The following RPS6KC1 variants were observed in gnomAD, a reference collection of about 807,000 sequenced individuals.
RPS6KC1 encodes the protein ribosomal protein S6 kinase C1.
A neutral mutation model predicts 103.8 loss-of-function variants in RPS6KC1; 54 were observed. The observed-to-expected ratio is 0.52, with a 90% CI of 0.42 to 0.65. The LOEUF (loss-of-function observed/expected upper bound fraction) is 0.65, where lower values mean the gene tolerates loss of function less well. Ranked by LOEUF, RPS6KC1 falls within the 30% of genes least tolerant of loss-of-function variation. The probability of loss-of-function intolerance (pLI) is 0.00; values close to 1 mark genes in which losing one functional copy is unlikely to be tolerated. For missense variants in RPS6KC1, 1,151 were observed against 1,253.8 expected (o/e 0.92, Z 1.24); for synonymous variants, 439 against 438.7 (o/e 1.00, Z -0.01).
At chr1:213,668,052 T>C in the RPS6KC1 span, among the ~76,000 whole-genome samples, 1 of 152,202 alleles carries the variant, frequency 6.6e-6, no homozygotes, top group Admixed American at 6.5e-5. Flanking sequence ...TCTATGAGCA[T>C]TGGAATCTAC....
At chr1:213,262,315 T>C (rs938661152) in intron 13 of RPS6KC1, among the ~76,000 whole-genome samples, 1 of 152,226 alleles carries the variant, frequency 6.6e-6, no homozygotes, top group African/African-American at 2.4e-5. Flanking sequence ...TACATACATT[T>C]AAACTGTAAA....
chr1:213,404,154 C>A, the RPS6KC1 span, among the ~76,000 whole-genome samples: 1 of 152,132 alleles, frequency 6.6e-6, no homozygotes, highest in African/African-American at 2.4e-5. Flanking sequence ...TGAGTGGGGC[C>A]CACCTTGAGG....
At chr1:213,797,366 C>A in the RPS6KC1 span, among the ~76,000 whole-genome samples, 1 of 152,156 alleles carries the variant, frequency 6.6e-6, no homozygotes, top group Admixed American at 6.6e-5. Context: ...CTGTGTTCAT[C>A]ACAGCTAATT....
chr1:213,549,612 C>CTTTTTTTTTTTTTTT, the RPS6KC1 span, among the ~76,000 whole-genome samples: 10 of 86,912 alleles, frequency 1.2e-4, no homozygotes, highest in East Asian at 3.5e-4. Context: ...TTTTCTTTTC[C>CTTTTTTTTTTTTTTT]TTTTTTTTTT....
the RPS6KC1 span, among the ~76,000 whole-genome samples, chr1:213,557,836 T>G: frequency 6.6e-6 from 1 of 152,180 alleles, no homozygotes; most frequent in Admixed American, 6.5e-5. Flanking sequence ...AGACTCATTC[T>G]AATCAAAATG....
the RPS6KC1 span, among the ~76,000 whole-genome samples, chr1:213,299,538 C>T: frequency 5.2e-3 from 559 of 107,136 alleles, 6 homozygotes; most frequent in African/African-American, 0.02. Flanking sequence ...GGCAACAGAG[C>T]GAGACTCCAT....
the RPS6KC1 span, among the ~76,000 whole-genome samples, chr1:213,708,747 A>G: frequency 3.9e-5 from 6 of 152,104 alleles, no homozygotes; most frequent in African/African-American, 1.2e-4. Flanking sequence ...TTTATTGAGT[A>G]TTTTTAACAT....
chr1:213,444,579 G>A, the RPS6KC1 span, among the ~76,000 whole-genome samples: 1 of 151,966 alleles, frequency 6.6e-6, no homozygotes, highest in African/African-American at 2.4e-5. Flanking sequence ...TGGTCAGGCT[G>A]GTACCCTGTC....
chr1:213,065,181 T>TG (rs1191359611), intron 1 of RPS6KC1, among the ~76,000 whole-genome samples: 1 of 151,344 alleles, frequency 6.6e-6, no homozygotes, highest in Non-Finnish European at 1.5e-5. Context: ...TTCACCATCT[T>TG]GGCCAGGCTG....
chr1:213,400,095 C>A, the RPS6KC1 span, among the ~76,000 whole-genome samples: 1 of 152,098 alleles, frequency 6.6e-6, no homozygotes, highest in Non-Finnish European at 1.5e-5. Context: ...ATAACCAGAA[C>A]CCTCGGGTCT....
chr1:213,166,138 C>T (rs548535631), intron 6 of RPS6KC1, among the ~76,000 whole-genome samples: 7 of 149,062 alleles, frequency 4.7e-5, no homozygotes, highest in African/African-American at 7.4e-5. Context: ...TTTTTTTTTA[C>T]GAAGCAAATT....
intron 6 of RPS6KC1, among the ~76,000 whole-genome samples, chr1:213,132,009 A>G (rs2085695300): frequency 6.6e-6 from 1 of 152,208 alleles, no homozygotes; most frequent in Admixed American, 6.5e-5. Flanking sequence ...AACATTTCAT[A>G]ATGTTACCAC....
the RPS6KC1 span, among the ~76,000 whole-genome samples, chr1:213,751,422 G>A: frequency 1.3e-5 from 2 of 152,176 alleles, no homozygotes; most frequent in African/African-American, 2.4e-5. Flanking sequence ...GCTGACAGCT[G>A]AGAAACCACA....
the RPS6KC1 span, among the ~76,000 whole-genome samples, chr1:213,323,915 A>G: frequency 1.3e-5 from 2 of 152,196 alleles, no homozygotes; most frequent in Non-Finnish European, 2.9e-5. Flanking sequence ...TGTACATTCT[A>G]TGAGTTTGGA....
the RPS6KC1 span, among the ~76,000 whole-genome samples, chr1:213,325,839 G>A: frequency 6.6e-6 from 1 of 152,232 alleles, no homozygotes; most frequent in East Asian, 1.9e-4. Context: ...AACTGAGAAT[G>A]ACAGAGGGTT....
the RPS6KC1 span, among the ~76,000 whole-genome samples, chr1:213,808,293 C>T: frequency 1.3e-5 from 2 of 152,202 alleles, no homozygotes; most frequent in Admixed American, 6.5e-5. Flanking sequence ...CTGGGAGAAC[C>T]ACTGCTCTCT....
chr1:213,642,266 C>T, the RPS6KC1 span, among the ~76,000 whole-genome samples: 1 of 152,202 alleles, frequency 6.6e-6, no homozygotes, highest in African/African-American at 2.4e-5. Context: ...GTTTATTTTA[C>T]AGAGTCCTCT....
intron 8 of RPS6KC1, among the ~76,000 whole-genome samples, chr1:213,206,514 A>C (rs2093353898): frequency 6.6e-6 from 1 of 152,232 alleles, no homozygotes; most frequent in Non-Finnish European, 1.5e-5. Context: ...AGCAGCACAG[A>C]AGAGGCCATA....
chr1:213,113,898 TG>T (rs1229598589), intron 4 of RPS6KC1, among the ~76,000 whole-genome samples: 1 of 152,148 alleles, frequency 6.6e-6, no homozygotes, highest in Non-Finnish European at 1.5e-5. Flanking sequence ...CTGAGGGCTC[TG>T]TTCTGTTCCA....
Sources: gnomAD v4.1 joint callset for allele counts (sites outside exome capture counted in the v4.1 genomes callset) on GRCh38, gnomAD v4.1.1 for gene constraint, MANE v1.5 for transcripts, NCBI Gene and HGNC (gene_info 2026-07-23, HGNC 2026-07-21) for gene names.